Variants in ZNF212 observed in about 807,000 individuals in gnomAD.
ZNF212 encodes zinc finger protein 212, also known as Zinc finger protein C2H2-150.
ZNF212 carries 32 observed loss-of-function variants against 47.3 expected under a neutral mutation model. The observed-to-expected ratio is 0.68, with a 90% CI of 0.51 to 0.91. The LOEUF (loss-of-function observed/expected upper bound fraction) is 0.91, where lower values mean the gene tolerates loss of function less well. ZNF212 is among the 40% of genes least tolerant of loss of function. ZNF212 has a pLI of 0.00. For missense variants in ZNF212, 555 were observed against 622.8 expected (o/e 0.89, Z 1.16); for synonymous variants, 242 against 253.8 (o/e 0.95, Z 0.44).
intron 1 of ZNF212, among the ~76,000 whole-genome samples, chr7:149,248,264 C>T (rs1161623789): frequency 2.6e-5 from 4 of 152,150 alleles, no homozygotes; most frequent in Non-Finnish European, 5.9e-5. Flanking sequence ...GTGTCTGCGT[C>T]TAAAGGTCCT....
At chr7:149,240,022 C>A in intron 1 of ZNF212, 1 of 481,156 alleles carries the variant, frequency 2.1e-6, no homozygotes, top group Non-Finnish European at 3.3e-6. Context: ...GCGCCGTGCG[C>A]CCTTGCCCAG....
At chr7:149,244,521 G>T (rs1796648801) in intron 1 of ZNF212, among the ~76,000 whole-genome samples, 1 of 151,830 alleles carries the variant, frequency 6.6e-6, no homozygotes, top group African/African-American at 2.4e-5. Flanking sequence ...CACCATGTTA[G>T]CCAGGATGGT....
In ZNF212 at chr7:149,239,686, G is replaced by GCGA. The variant is rs1411979087; in HGVS notation, c.-91_-90insACG. On this transcript the variant is annotated 5_prime_UTR_variant, in exon 1 of 5. Coordinates refer to ENST00000335870, the MANE Select transcript of ZNF212 (RefSeq NM_012256.4). The stretch of plus-strand genomic sequence containing the variant: ...TGGCATCAACACGGCGGCGGCGGCG[G>GCGA]CGGCTTCCAACAGGCTCTGGGGCGC... 7.7e-7 allele frequency: 1 copy of GCGA among 1,290,456 alleles called. No homozygotes were observed. The highest frequency in any genetic ancestry group is 4.0e-5 in the Admixed American group (1 of 24,930). 79.9% of individuals were successfully genotyped at this position (1,290,456 alleles called of 1,614,324 possible).
At position 149,250,752 on chromosome 7, in the gene ZNF212, G is replaced by A. The variant is rs1301653538; in HGVS notation, c.486G>A (p.Gln162=). 1 of 1,614,264 alleles carries A rather than the reference G, an allele frequency of 6.2e-7. No homozygotes were observed. The highest frequency in any genetic ancestry group is 8.5e-7 in the Non-Finnish European group (1 of 1,180,054). Residue 162 remains glutamine (Q), a synonymous_variant, in exon 3 of 5, where the codon CAG becomes CAA. Transcript: ENST00000335870. ...EQEWENLEDW[Q]KELYRNVMES... is the part of the protein sequence containing the mutation. ...AATGGGAGAATCTGGAGGATTGGCA[G>A]AAGGAGCTCTACAGAAACGTGATGG...
chr7:149,239,667 C>CA lies in ZNF212; in HGVS notation c.-110dup, dbSNP rs1452842068. The CA allele has an allele frequency of 1.7e-6, 1 of 602,510 alleles. No homozygotes were observed. The highest frequency in any genetic ancestry group is 9.4e-5 in the Admixed American group (1 of 10,584). 37.3% of individuals were successfully genotyped at this position (602,510 alleles called of 1,614,324 possible). ...GCTGCTCCCAGAATGCACCTGGCAT[C>CA]AACACGGCGGCGGCGGCGGCGGCTT... is the stretch of plus-strand genomic sequence containing the variant. On this transcript the variant is annotated 5_prime_UTR_variant, in exon 1 of 5. An upstream open reading frame in the 5' UTR gains an earlier in-frame stop. Coordinates refer to ENST00000335870, the MANE Select transcript of ZNF212 (RefSeq NM_012256.4).
At chr7:149,239,976 C>T (rs190586162) in intron 1 of ZNF212, 174 bp downstream of exon 1, 6 of 727,392 alleles carry the variant, frequency 8.2e-6, no homozygotes, top group Admixed American at 8.7e-5. Flanking sequence ...GCCCTTTTTT[C>T]CCTCCGCTTC....
intron 3 of ZNF212, among the ~76,000 whole-genome samples, chr7:149,252,355 T>C (rs765183327): frequency 6.6e-6 from 1 of 152,108 alleles, no homozygotes; most frequent in South Asian, 2.1e-4. Context: ...TTAGCAAGGA[T>C]GAAATTAGAT....
Position 149,253,875 on chromosome 7 carries a change from C to G in ZNF212, c.948C>G (p.Tyr316Ter), listed in dbSNP as rs771185436. 1 of 1,614,030 alleles carries G rather than the reference C, an allele frequency of 6.2e-7. No individual in the cohort carries two copies. Among genetic ancestry groups the G allele is most frequent in the Non-Finnish European group, 8.5e-7 (1 of 1,180,026 alleles). Residue 316 changes from tyrosine (Y) to a stop codon, truncating the protein, a stop_gained, in exon 5 of 5, where the codon TAC (tyrosine) becomes TAG (stop). Coordinates refer to ENST00000335870, the MANE Select transcript of ZNF212 (RefSeq NM_012256.4). LOFTEE classifies it high-confidence loss of function. Reference protein sequence around the residue: ...LKLKKDTSRPYECSECEITFR... With the variant: ...LKLKKDTSRP ...TGAAAAAGGACACTTCCCGCCCCTA[C>G]GAATGTTCTGAGTGTGAGATCACCT...
At chr7:149,242,156 G>T (rs1246561499) in intron 1 of ZNF212, among the ~76,000 whole-genome samples, 2 of 151,010 alleles carry the variant, frequency 1.3e-5, no homozygotes, top group Admixed American at 1.3e-4. Flanking sequence ...GGAGTAGCTG[G>T]GATTACAGGC....
intron 3 of ZNF212, among the ~76,000 whole-genome samples, chr7:149,251,741 C>T (rs575005169): frequency 2.9e-4 from 44 of 151,966 alleles, no homozygotes; most frequent in African/African-American, 1.0e-3. Flanking sequence ...CCACCCACGT[C>T]GGCCTCCCAA....
Position 149,254,431 on chromosome 7 carries a change from C to A in ZNF212, c.*16C>A. 6.4e-7 allele frequency: 1 copy of A among 1,574,586 alleles called. No individual in the cohort carries two copies. Among genetic ancestry groups the A allele is most frequent in the Non-Finnish European group, 8.6e-7 (1 of 1,167,598 alleles). On this transcript the variant is annotated 3_prime_UTR_variant, in exon 5 of 5. Transcript: ENST00000335870. The surrounding 1 kb of genome is among the most constrained non-coding windows in gnomAD (Gnocchi z 4.5). ...CCTGCTTTAAGGGTGCAGCCCCTCG[C>A]CCGTCTGGGGGATGGAGGGGGGTGG...
chr7:149,247,572 G>A (rs931408060), intron 1 of ZNF212, among the ~76,000 whole-genome samples: 5 of 152,052 alleles, frequency 3.3e-5, no homozygotes, highest in African/African-American at 1.2e-4. Flanking sequence ...TATATAATAC[G>A]GTATATAATG....
At position 149,250,378 on chromosome 7, in the gene ZNF212, A is replaced by G. The variant is rs781021359; in HGVS notation, c.244A>G (p.Met82Val). ...AEKKLADCEKMAVEFGNQLEG... is the reference protein window; with the variant it reads ...AEKKLADCEKVAVEFGNQLEG... ...GAAGAAGCTGGCTGACTGCGAGAAG[A>G]TGGCCGTGGAGTTCGGGAACCAGCT... The change falls in exon 2 of 5, where the codon ATG (methionine) becomes GTG (valine). Residue 82 changes from methionine to valine, a missense_variant. By Grantham distance (21) the Met-to-Val change is conservative. Transcript: ENST00000335870. 3 of 1,614,166 alleles carry G rather than the reference A, an allele frequency of 1.9e-6. No individual in the cohort carries two copies. Among genetic ancestry groups the G allele is most frequent in the East Asian group, 2.2e-5 (1 of 44,876 alleles).
In ZNF212 at chr7:149,239,747, C is replaced by T; in HGVS notation, c.-32C>T. 1.6e-6 allele frequency: 2 copies of T among 1,278,382 alleles called. No homozygotes were observed. Among genetic ancestry groups the T allele is most frequent in the Non-Finnish European group, 2.0e-6 (2 of 1,006,054 alleles). The allele number at this position is 1,278,382 out of a possible 1,614,324, so 79.2% of individuals were successfully genotyped here. On this transcript the variant is annotated 5_prime_UTR_variant, in exon 1 of 5. Coordinates refer to ENST00000335870, the MANE Select transcript of ZNF212 (RefSeq NM_012256.4). ...GGAACGCAGCACGGGGGCTCCGAGG[C>T]GGGGTCTGGGTGTTGAGGGGCGACT...
intron 3 of ZNF212, chr7:149,251,133 G>T: frequency 3.7e-6 from 1 of 271,198 alleles, no homozygotes; most frequent in South Asian, 4.2e-5. Context: ...ATACCCTATA[G>T]TGTGATATGG....
At position 149,254,394 on chromosome 7, in the gene ZNF212, A is replaced by G. The variant is rs570348505; in HGVS notation, c.1467A>G (p.Gly489=). Residue 489 remains glycine, a synonymous_variant, in exon 5 of 5, where the codon GGA becomes GGG. Transcript: ENST00000335870. The surrounding 1 kb of genome is among the most constrained non-coding windows in gnomAD (Gnocchi z 4.5). ...GGGGTGGGCTGGCCCTGGAGCCCGG[A>G]AGGCCCAATGGCCTGCTTTAAGGGT... The part of the protein sequence containing the change: ...RERGGLALEP[G]RPNGLL 5.6e-6 allele frequency: 9 copies of G among 1,603,032 alleles called. 1 individual carries two copies. In the South Asian group the frequency reaches 9.9e-5, roughly 18 times the overall value.
intron 4 of ZNF212, 39 bp downstream of exon 4, chr7:149,252,834 C>T (rs1386713134): frequency 6.3e-7 from 1 of 1,597,550 alleles, no homozygotes; most frequent in African/African-American, 1.3e-5. Context: ...CTTCCATAGC[C>T]CTCTGTAGCC....
intron 1 of ZNF212, among the ~76,000 whole-genome samples, chr7:149,241,566 TAACAGTAAGCTC>T (rs1796589623): frequency 6.6e-6 from 1 of 152,200 alleles, no homozygotes; most frequent in Admixed American, 6.5e-5. Flanking sequence ...GTCTGTCATT[TAACAGTAAGCTC>T]AAGTAGGTGC....
intron 1 of ZNF212, among the ~76,000 whole-genome samples, chr7:149,248,558 A>G (rs536158002): frequency 9.9e-5 from 15 of 152,262 alleles, no homozygotes; most frequent in Non-Finnish European, 2.2e-4. Context: ...ATTCTTTTCA[A>G]CCTCTTACTA....
Sources: allele counts gnomAD v4.1 joint callset (sites outside exome capture counted in the v4.1 genomes callset), GRCh38; gene constraint gnomAD v4.1.1; non-coding constraint Gnocchi (gnomAD v3.1); transcripts MANE v1.5; gene names NCBI Gene and HGNC (gene_info 2026-07-23, HGNC 2026-07-21).